The following COTL1 variants were observed in gnomAD, a reference collection of about 807,000 sequenced individuals.
The protein encoded by COTL1 is coactosin like F-actin binding protein 1, also known as coactosin-like protein.
Under a neutral mutation model 16.5 loss-of-function variants are expected in COTL1, and 15 were observed. The observed-to-expected ratio is 0.91, with a 90% CI of 0.61 to 1.40. COTL1 has a LOEUF of 1.40. Ranked by LOEUF, COTL1 falls within the 40% of genes most tolerant of loss-of-function variation. The pLI, the probability that COTL1 is intolerant of heterozygous loss-of-function variation, is 0.00. For synonymous variants in COTL1, 112 were observed against 85.3 expected, an observed-to-expected ratio of 1.31 and a Z score of -1.73; for missense variants, 220 against 201.5, an observed-to-expected ratio of 1.09 and a Z score of -0.56.
At chr16:84,592,057 C>G (rs866047823) in intron 2 of COTL1, among the ~76,000 whole-genome samples, 2 of 152,234 alleles carry the variant, frequency 1.3e-5, no homozygotes. Flanking sequence ...GAGCAGCACC[C>G]CTCACCTGGC....
chr16:84,582,383 A>G (rs1003962826), intron 3 of COTL1, among the ~76,000 whole-genome samples: 1 of 152,156 alleles, frequency 6.6e-6, no homozygotes, highest in Non-Finnish European at 1.5e-5. Flanking sequence ...AGCTCAAGCA[A>G]TCCACCTGCT....
intron 2 of COTL1, among the ~76,000 whole-genome samples, chr16:84,613,162 G>T (rs1240235451): frequency 6.6e-6 from 1 of 152,022 alleles, no homozygotes. Flanking sequence ...ACCATGCCTG[G>T]CTAATTTTTG....
chr16:84,614,374 G>A (rs911016276), intron 2 of COTL1, among the ~76,000 whole-genome samples: 1 of 152,042 alleles, frequency 6.6e-6, no homozygotes, highest in African/African-American at 2.4e-5. Context: ...TGGCCTGGCA[G>A]CACAGACACC....
Position 84,590,003 on chromosome 16 carries a change from A to G in COTL1, c.318+102T>C. On this transcript the variant is annotated intron_variant, in intron 3 of 3. Transcript: ENST00000262428. The surrounding 1 kb of genome is among the most constrained non-coding windows in gnomAD (Gnocchi z 5.5). ...CATAGCATGGCTTGTCCCAAGTCAC[A>G]GCTAAGCTACAGACCCAGGAGTCGA... The G allele has an allele frequency of 8.4e-7, 1 of 1,187,000 alleles. No individual in the cohort carries two copies. The highest frequency in any genetic ancestry group is 1.2e-6 in the Non-Finnish European group (1 of 837,698). The allele number at this position is 1,187,000 out of a possible 1,614,324, so 73.5% of individuals were successfully genotyped here.
At chr16:84,589,982 G>T in intron 3 of COTL1, 123 bp downstream of exon 3, 1 of 925,094 alleles carries the variant, frequency 1.1e-6, no homozygotes, top group Non-Finnish European at 1.6e-6. Context: ...CAGAGACATA[G>T]CATGGCTTGT....
chr16:84,603,678 G>A (rs540820720), intron 2 of COTL1, among the ~76,000 whole-genome samples: 17 of 152,162 alleles, frequency 1.1e-4, no homozygotes, highest in Middle Eastern at 3.4e-3. Flanking sequence ...TGGGGGAGCC[G>A]GGAGTTCAGA....
At position 84,593,661 on chromosome 16, in the gene COTL1, G is replaced by A. The variant is rs539408666; in HGVS notation, c.161-3399C>T. 1.4e-3 allele frequency among the ~76,000 whole-genome samples: 216 copies of A among 152,084 alleles called. 1 individual carries two copies. The highest frequency in any genetic ancestry group is 2.2e-3 in the Non-Finnish European group (152 of 67,998). ...CGAGTAGCTGGGACTACAGGCGCCC[G>A]CCACCACGCCCGGCTAATTTTTTGT... On this transcript the variant is annotated intron_variant, in intron 2 of 3. Transcript: ENST00000262428.
rs1409473775 is a variant in COTL1 at position 84,566,744 on chromosome 16, C to T, written c.*101G>A. ...GGCGCTGCCTCTCATGGCTTCTTTT[C>T]TCCCTGGTGGGCTGGTGGGCTAGTA... On this transcript the variant is annotated 3_prime_UTR_variant, in exon 4 of 4. Coordinates refer to ENST00000262428, the MANE Select transcript of COTL1 (RefSeq NM_021149.5). 42 of 762,146 alleles carry T rather than the reference C, an allele frequency of 5.5e-5. No homozygotes were observed. The highest frequency in any genetic ancestry group is 1.7e-5 in the African/African-American group (1 of 57,556). 47.2% of individuals were successfully genotyped at this position (762,146 alleles called of 1,614,324 possible).
intron 2 of COTL1, among the ~76,000 whole-genome samples, chr16:84,615,796 G>C (rs1370232358): frequency 6.6e-6 from 1 of 152,026 alleles, no homozygotes; most frequent in Admixed American, 6.6e-5. Context: ...TAGGCCAACT[G>C]TTTACAAAAG....
Position 84,566,636 on chromosome 16 carries a change from G to C in COTL1, c.*209C>G. On this transcript the variant is annotated 3_prime_UTR_variant, in exon 4 of 4. Coordinates refer to ENST00000262428, the MANE Select transcript of COTL1 (RefSeq NM_021149.5). ...GAAAAGAAAAAGAAGATCAAAGAAA[G>C]AGGTTCCATGAGCGTCATGAGATAG... is the stretch of plus-strand genomic sequence containing the variant. 2.0e-6 allele frequency: 1 copy of C among 488,168 alleles called. No homozygotes were observed. Among genetic ancestry groups the C allele is most frequent in the Non-Finnish European group, 3.6e-6 (1 of 275,528 alleles). The allele number at this position is 488,168 out of a possible 1,614,324, so 30.2% of individuals were successfully genotyped here. A position where few individuals can be genotyped will look rare whatever the true frequency, so the allele number is the denominator to read the frequency against.
chr16:84,583,870 T>C (rs899359254), intron 3 of COTL1, among the ~76,000 whole-genome samples: 2 of 152,158 alleles, frequency 1.3e-5, no homozygotes, highest in African/African-American at 2.4e-5. Flanking sequence ...GCAGCCTCTG[T>C]TGTCCTCTGT....
rs770049968 is a variant in COTL1 at position 84,582,432 on chromosome 16, TG to T, written c.318+7672del. ...GTACTAGGATTACAGGCATAAGCCA[TG>T]GCGCCCGGCCTCATTTCTTCATTTC... On this transcript the variant is annotated intron_variant, in intron 3 of 3. Coordinates refer to ENST00000262428, the MANE Select transcript of COTL1 (RefSeq NM_021149.5). Among the ~76,000 whole-genome samples the T allele has an allele frequency of 5.9e-5, 9 of 152,208 alleles. No individual in the cohort carries two copies. The East Asian group carries it at 9.6e-4, about 16-fold the overall frequency.
chr16:84,617,574 A>G lies in COTL1; in HGVS notation c.87T>C (p.Phe29=). ...DDGSAVIWVT[F]KYDGSTIVPG... ...GGACGATGGTGGAGCCGTCATATTT[A>G]AAAGTCACCCTTTGGGTTGGGAGAA... Residue 29 remains phenylalanine (F), a synonymous_variant, in exon 2 of 4, where the codon TTT becomes TTC. Coordinates refer to ENST00000262428, the MANE Select transcript of COTL1 (RefSeq NM_021149.5). 1 of 1,556,150 alleles carries G rather than the reference A, an allele frequency of 6.4e-7. No homozygotes were observed. Among genetic ancestry groups the G allele is most frequent in the South Asian group, 1.2e-5 (1 of 84,374 alleles).
chr16:84,600,208 A>G (rs1159494016), intron 2 of COTL1, among the ~76,000 whole-genome samples: 2 of 152,214 alleles, frequency 1.3e-5, no homozygotes, highest in Non-Finnish European at 2.9e-5. Flanking sequence ...GTCCTGCTCA[A>G]AAAACTTTGC....
chr16:84,617,275 T>C (rs1905513376), intron 2 of COTL1, among the ~76,000 whole-genome samples: 1 of 152,156 alleles, frequency 6.6e-6, no homozygotes, highest in African/African-American at 2.4e-5. Flanking sequence ...GGAGAAGGCA[T>C]TGTAGGATGG....
At position 84,588,112 on chromosome 16, in the gene COTL1, G is replaced by A. The variant is rs569632280; in HGVS notation, c.318+1993C>T. 2.6e-5 allele frequency among the ~76,000 whole-genome samples: 4 copies of A among 152,156 alleles called. No individual in the cohort carries two copies. In the East Asian group the frequency reaches 5.8e-4, roughly 22 times the overall value. On this transcript the variant is annotated intron_variant, in intron 3 of 3. Transcript: ENST00000262428. ...AAATAAAAGTTTTATTAGGGGCTGG[G>A]CGTGGTGGCCTATAATCCAAGCACT...
At chr16:84,568,152 C>T (rs1904306840) in intron 3 of COTL1, 1 of 152,242 alleles carries the variant, frequency 6.6e-6, no homozygotes, top group Non-Finnish European at 1.5e-5. Flanking sequence ...CGTCTGCCAC[C>T]ACACCCAGCT....
chr16:84,587,296 C>T (rs1904756158), intron 3 of COTL1, among the ~76,000 whole-genome samples: 1 of 152,192 alleles, frequency 6.6e-6, no homozygotes, highest in Non-Finnish European at 1.5e-5. Flanking sequence ...CGGTCCCAGG[C>T]ACAGTGCTAG....
intron 3 of COTL1, among the ~76,000 whole-genome samples, chr16:84,586,287 G>T (rs1465282945): frequency 6.6e-6 from 1 of 152,182 alleles, no homozygotes; most frequent in African/African-American, 2.4e-5. Context: ...ATTCCTCTTT[G>T]TGCTTCAACT....
Sources: allele counts gnomAD v4.1 joint callset (sites outside exome capture counted in the v4.1 genomes callset), GRCh38; gene constraint gnomAD v4.1.1; non-coding constraint Gnocchi (gnomAD v3.1); transcripts MANE v1.5; gene names NCBI Gene and HGNC (gene_info 2026-07-23, HGNC 2026-07-21).